Variants in MPPED1 observed in about 807,000 individuals in gnomAD.
MPPED1 encodes metallophosphoesterase domain containing 1, also known as metallophosphoesterase domain-containing protein 1.
In MPPED1, 16 loss-of-function variants were observed where a neutral mutation model predicts 36.2. That is an observed-to-expected ratio of 0.44 (90% CI 0.30 to 0.67). MPPED1 has a LOEUF of 0.67. Ranked by LOEUF, MPPED1 falls within the 30% of genes least tolerant of loss-of-function variation. The pLI, the probability that MPPED1 is intolerant of heterozygous loss-of-function variation, is 0.10. For synonymous variants in MPPED1, 199 were observed against 191.3 expected, an observed-to-expected ratio of 1.04 and a Z score of -0.33; for missense variants, 307 against 453.4, an observed-to-expected ratio of 0.68 and a Z score of 2.93.
At chr22:43,499,467 AGGT>A (rs1258833699) in intron 5 of MPPED1, among the ~76,000 whole-genome samples, 46 of 84,430 alleles carry the variant, frequency 5.4e-4, no homozygotes, top group African/African-American at 2.2e-3. Flanking sequence ...ATGGTGATGG[AGGT>A]GGTGGTGGTG....
intron 3 of MPPED1, among the ~76,000 whole-genome samples, chr22:43,457,382 C>T (rs1219509479): frequency 6.6e-6 from 1 of 152,088 alleles, no homozygotes; most frequent in Non-Finnish European, 1.5e-5. Context: ...CTTTTACTTT[C>T]AACCCACTTG....
chr22:43,433,242 G>A (rs1009356470), intron 2 of MPPED1, among the ~76,000 whole-genome samples: 1 of 152,044 alleles, frequency 6.6e-6, no homozygotes, highest in African/African-American at 2.4e-5. Flanking sequence ...GCCAGGTTAG[G>A]GCCTTCTCTG....
intron 2 of MPPED1, among the ~76,000 whole-genome samples, chr22:43,428,035 A>C (rs900687483): frequency 2.6e-5 from 4 of 152,200 alleles, no homozygotes; most frequent in Non-Finnish European, 5.9e-5. Context: ...TTGGTAGCAC[A>C]TGCCAGGCCT....
intron 1 of MPPED1, among the ~76,000 whole-genome samples, chr22:43,424,498 T>C (rs974192018): frequency 6.6e-6 from 1 of 152,164 alleles, no homozygotes; most frequent in Non-Finnish European, 1.5e-5. Context: ...ATCCTTCCTG[T>C]TCCCCAATTC....
chr22:43,432,263 GAA>G (rs1491283845), intron 2 of MPPED1, among the ~76,000 whole-genome samples: 3 of 151,248 alleles, frequency 2.0e-5, no homozygotes, highest in Non-Finnish European at 4.4e-5. Context: ...GAAAGAGAGA[GAA>G]AGGGAGGAGA....
intron 3 of MPPED1, among the ~76,000 whole-genome samples, chr22:43,447,377 T>C (rs1047108852): frequency 6.6e-6 from 1 of 152,114 alleles, no homozygotes; most frequent in Non-Finnish European, 1.5e-5. Flanking sequence ...AGAACAGGAA[T>C]AATGAACAAG....
intron 3 of MPPED1, among the ~76,000 whole-genome samples, chr22:43,440,106 G>C (rs1930098044): frequency 6.6e-6 from 1 of 152,252 alleles, no homozygotes; most frequent in Non-Finnish European, 1.5e-5. Context: ...GTGCAGCCGT[G>C]AGTGGCATGC....
In MPPED1 at chr22:43,474,031, A is replaced by G. The variant is rs1931462992; in HGVS notation, c.407-705A>G. ...GATTTTGTTTTGGCTTTGAATTTCC[A>G]TGGCAGTAGGGGTGGGTACTATAAT... On this transcript the variant is annotated intron_variant, in intron 3 of 6. Coordinates refer to ENST00000443721, the MANE Select transcript of MPPED1 (RefSeq NM_001044370.2). This position sits in a 1 kb window ranked among gnomAD's most constrained non-coding sequence, Gnocchi z 5.2. 6.6e-6 allele frequency among the ~76,000 whole-genome samples: 1 copy of G among 152,178 alleles called. No homozygotes were observed.
chr22:43,476,006 G>A (rs1475621813), intron 4 of MPPED1, among the ~76,000 whole-genome samples: 1 of 104,920 alleles, frequency 9.5e-6, no homozygotes, highest in African/African-American at 3.5e-5. Flanking sequence ...GATGATGATG[G>A]TGGTGGTGGT....
chr22:43,501,139 C>A (rs192766218), intron 5 of MPPED1, among the ~76,000 whole-genome samples: 96 of 152,314 alleles, frequency 6.3e-4, no homozygotes, highest in Admixed American at 1.2e-3. Context: ...GAGGCCTGGG[C>A]CCTGGTGTGA....
At position 43,423,722 on chromosome 22, in the gene MPPED1, C is replaced by T. The variant is rs185324847; in HGVS notation, c.-78-1186C>T. On this transcript the variant is annotated intron_variant, in intron 1 of 6. Coordinates refer to ENST00000443721, the MANE Select transcript of MPPED1 (RefSeq NM_001044370.2). ...TGACTGTGTCGATTCTTCTTCCAAG[C>T]GCAAAGCAAAGGGGATTTTTCTTCA... Among the ~76,000 whole-genome samples the T allele has an allele frequency of 5.3e-5, 8 of 152,242 alleles. No homozygotes were observed. In the East Asian group the frequency reaches 7.7e-4, roughly 15 times the overall value.
intron 4 of MPPED1, among the ~76,000 whole-genome samples, chr22:43,497,056 G>GGT (rs1569090192): frequency 2.1e-5 from 3 of 142,800 alleles, no homozygotes; most frequent in Admixed American, 6.9e-5. Flanking sequence ...TGGTGGTGGA[G>GGT]ATGGTGGTGG....
chr22:43,505,173 G>A (rs929611021), intron 6 of MPPED1, among the ~76,000 whole-genome samples: 1 of 150,288 alleles, frequency 6.7e-6, no homozygotes. Flanking sequence ...GATGATGGTG[G>A]TACAGTGGTG....
chr22:43,431,145 G>A (rs577037032), intron 2 of MPPED1, among the ~76,000 whole-genome samples: 30 of 139,900 alleles, frequency 2.1e-4, no homozygotes, highest in Admixed American at 8.2e-4. Flanking sequence ...GGGTTCAAGC[G>A]ATTCTCCTGT....
Position 43,498,215 on chromosome 22 carries a change from C to T in MPPED1, c.633-20C>T. The T allele has an allele frequency of 2.6e-6, 4 of 1,527,790 alleles. No individual in the cohort carries two copies. The highest frequency in any genetic ancestry group is 3.5e-6 in the Non-Finnish European group (4 of 1,140,298). 94.6% of individuals were successfully genotyped at this position (1,527,790 alleles called of 1,614,324 possible). ...GTACTTTCACCCGCCCTCCCTCAAA[C>T]ACCTGCACTTCTTCTACAGGCAGCC... is the stretch of plus-strand genomic sequence containing the variant. On this transcript the variant is annotated intron_variant, in intron 4 of 6. Coordinates refer to ENST00000443721, the MANE Select transcript of MPPED1 (RefSeq NM_001044370.2).
intron 2 of MPPED1, 83 bp downstream of exon 2, chr22:43,425,292 G>A (rs1929429753): frequency 5.5e-6 from 8 of 1,457,438 alleles, no homozygotes; most frequent in Middle Eastern, 2.5e-4. Flanking sequence ...TCCTGGTTCT[G>A]GGGGCACTGT....
At chr22:43,488,563 C>T (rs1249512526) in intron 4 of MPPED1, among the ~76,000 whole-genome samples, 1 of 152,182 alleles carries the variant, frequency 6.6e-6, no homozygotes, top group Non-Finnish European at 1.5e-5. Flanking sequence ...ACCATAAGAG[C>T]ACAAAAAAGC....
chr22:43,480,732 G>A (rs929159595), intron 4 of MPPED1, among the ~76,000 whole-genome samples: 1 of 151,844 alleles, frequency 6.6e-6, no homozygotes, highest in African/African-American at 2.4e-5. Context: ...AAATATCTTC[G>A]TGTTTTTCTT....
At chr22:43,432,635 GAGAGAGAGGGAA>G (rs1200078465) in intron 2 of MPPED1, among the ~76,000 whole-genome samples, 16 of 504 alleles carry the variant, frequency 0.032, 6 homozygotes, top group Non-Finnish European at 0.048. Flanking sequence ...GGAGGAGAGA[GAGAGAGAGGGAA>G]AGAGAAAGGG....
Sources: allele counts gnomAD v4.1 joint callset (sites outside exome capture counted in the v4.1 genomes callset), GRCh38; gene constraint gnomAD v4.1.1; non-coding constraint Gnocchi (gnomAD v3.1); transcripts MANE v1.5; gene names NCBI Gene and HGNC (gene_info 2026-07-23, HGNC 2026-07-21).